Variants in PEPD observed in about 807,000 individuals in gnomAD.
PEPD encodes peptidase D, also known as xaa-Pro dipeptidase.
PEPD carries 53 observed loss-of-function variants against 60.7 expected under a neutral mutation model. The observed-to-expected ratio is 0.87, with a 90% CI of 0.70 to 1.10. The LOEUF is 1.10. PEPD is among the 50% of genes least tolerant of loss of function. The probability of loss-of-function intolerance (pLI) is 0.00; values close to 1 mark genes in which losing one functional copy is unlikely to be tolerated. For missense variants in PEPD, 711 were observed against 711.9 expected (o/e 1.00, Z 0.01); for synonymous variants, 267 against 284.1 (o/e 0.94, Z 0.60).
intron 1 of PEPD, among the ~76,000 whole-genome samples, chr19:33,515,825 C>T (rs1237749348): frequency 1.3e-5 from 2 of 152,086 alleles, no homozygotes; most frequent in Non-Finnish European, 2.9e-5. Flanking sequence ...CAGGTGCTGG[C>T]TCCCCATGGC....
intron 1 of PEPD, among the ~76,000 whole-genome samples, chr19:33,517,366 C>G (rs1971041314): frequency 6.6e-6 from 1 of 151,736 alleles, no homozygotes; most frequent in African/African-American, 2.4e-5. Flanking sequence ...TCGATACCAC[C>G]TGGCCAACAT....
intron 11 of PEPD, among the ~76,000 whole-genome samples, chr19:33,411,081 C>T (rs908373093): frequency 3.3e-5 from 5 of 152,106 alleles, no homozygotes; most frequent in African/African-American, 1.2e-4. Context: ...GGGCGGAGGC[C>T]GCAGGGCCTG....
intron 1 of PEPD, among the ~76,000 whole-genome samples, chr19:33,513,205 C>A (rs1275244563): frequency 6.6e-6 from 1 of 152,118 alleles, no homozygotes; most frequent in Admixed American, 6.5e-5. Flanking sequence ...CCCGGCTCAA[C>A]CTCCCTGCTA....
chr19:33,498,281 T>C (rs1970646094), intron 4 of PEPD, among the ~76,000 whole-genome samples: 1 of 152,152 alleles, frequency 6.6e-6, no homozygotes, highest in Non-Finnish European at 1.5e-5. Context: ...GATTCTAGCC[T>C]TTGAACTCTA....
At chr19:33,443,189 A>C (rs935494766) in intron 9 of PEPD, among the ~76,000 whole-genome samples, 1 of 152,176 alleles carries the variant, frequency 6.6e-6, no homozygotes, top group Non-Finnish European at 1.5e-5. Flanking sequence ...TGGCTCTCTG[A>C]CTTCTGTCAC....
At chr19:33,434,223 A>G (rs1969330538) in intron 9 of PEPD, among the ~76,000 whole-genome samples, 1 of 151,976 alleles carries the variant, frequency 6.6e-6, no homozygotes, top group Admixed American at 6.6e-5. Flanking sequence ...CCCTGTATGG[A>G]CACCCACAGT....
intron 7 of PEPD, chr19:33,477,143 C>G (rs962216527): frequency 1.3e-5 from 2 of 152,400 alleles, no homozygotes; most frequent in Non-Finnish European, 2.9e-5. Flanking sequence ...ACTGGCCACA[C>G]AGAGCCACCA....
chr19:33,490,755 C>G (rs1970482984), intron 5 of PEPD, among the ~76,000 whole-genome samples: 1 of 152,198 alleles, frequency 6.6e-6, no homozygotes, highest in African/African-American at 2.4e-5. Context: ...CCTCCACCTC[C>G]CAAGTTCAAG....
chr19:33,518,899 C>T (rs1020403030), intron 1 of PEPD, among the ~76,000 whole-genome samples: 5 of 152,104 alleles, frequency 3.3e-5, no homozygotes, highest in African/African-American at 1.2e-4. Flanking sequence ...CTGGGAAAGG[C>T]TTCTGGGAAA....
At chr19:33,401,364 T>A (rs1242137534) in intron 12 of PEPD, among the ~76,000 whole-genome samples, 1 of 152,224 alleles carries the variant, frequency 6.6e-6, no homozygotes, top group Non-Finnish European at 1.5e-5. Flanking sequence ...TCTGACCCCA[T>A]GCCAGTGTCC....
At chr19:33,433,159 C>T (rs1028267568) in intron 9 of PEPD, among the ~76,000 whole-genome samples, 2 of 152,368 alleles carry the variant, frequency 1.3e-5, no homozygotes, top group East Asian at 1.9e-4. Flanking sequence ...TTACTGGTCT[C>T]GGGCACAGAA....
chr19:33,456,672 C>T (rs1209925939), intron 9 of PEPD, among the ~76,000 whole-genome samples: 1 of 152,134 alleles, frequency 6.6e-6, no homozygotes, highest in Non-Finnish European at 1.5e-5. Flanking sequence ...GTCCTGCCCA[C>T]GGACACACAG....
At chr19:33,424,783 TG>T (rs1969105321) in intron 9 of PEPD, among the ~76,000 whole-genome samples, 1 of 152,020 alleles carries the variant, frequency 6.6e-6, no homozygotes, top group Admixed American at 6.6e-5. Context: ...CTCACAATCA[TG>T]GTGGAAGACA....
rs150269711 is a variant in PEPD, at chr19:33,465,036, G to A, written c.549-974C>T. The stretch of plus-strand genomic sequence containing the variant: ...GGCCAAGATCCCTACTCTGTGCCTC[G>A]GTTTCCCCATCTGAAAAACGGAGAT... On this transcript the variant is annotated intron_variant, in intron 7 of 14. Transcript: ENST00000244137. Among the ~76,000 whole-genome samples the A allele has an allele frequency of 1.5e-4, 23 of 152,216 alleles. No individual in the cohort carries two copies. The East Asian group carries it at 1.5e-3, about 10-fold the overall frequency.
At position 33,423,958 on chromosome 19, in the gene PEPD, T is replaced by C. The variant is rs376466709; in HGVS notation, c.672-10315A>G. On this transcript the variant is annotated intron_variant, in intron 9 of 14. Transcript: ENST00000244137. ...TCAATGAACCTAGAATTTATTGTGA[T>C]GTAGGTCATGAGGCAGAATGCCATT... is the stretch of plus-strand genomic sequence containing the variant. 5.9e-5 allele frequency among the ~76,000 whole-genome samples: 9 copies of C among 152,260 alleles called. No homozygotes were observed. In the East Asian group the frequency reaches 1.7e-3, roughly 29 times the overall value.
At chr19:33,511,615 T>C (rs1970928416) in intron 2 of PEPD, 1 of 278,148 alleles carries the variant, frequency 3.6e-6, no homozygotes, top group Non-Finnish European at 7.1e-6. Context: ...ATGACTTCAG[T>C]GTTTAGGGAT....
chr19:33,443,016 C>CAA (rs1286873672), intron 9 of PEPD, among the ~76,000 whole-genome samples: 1 of 152,206 alleles, frequency 6.6e-6, no homozygotes, highest in African/African-American at 2.4e-5. Context: ...TGTTTGCTGA[C>CAA]AAAACCAATT....
At chr19:33,417,781 T>C (rs1311772283) in intron 9 of PEPD, among the ~76,000 whole-genome samples, 2 of 152,142 alleles carry the variant, frequency 1.3e-5, no homozygotes, top group African/African-American at 2.4e-5. Flanking sequence ...GTGCCAGGCT[T>C]TGAGAAACAG....
At chr19:33,467,762 G>A (rs576915514) in intron 7 of PEPD, among the ~76,000 whole-genome samples, 12 of 152,146 alleles carry the variant, frequency 7.9e-5, no homozygotes, top group South Asian at 2.1e-4. Context: ...TAGCTTTCCC[G>A]TACTGATTTT....
Sources: allele counts gnomAD v4.1 joint callset (sites outside exome capture counted in the v4.1 genomes callset), GRCh38; gene constraint gnomAD v4.1.1; transcripts MANE v1.5; gene names NCBI Gene and HGNC (gene_info 2026-07-23, HGNC 2026-07-21).